The following RNF32 variants were observed in gnomAD, a reference collection of about 807,000 sequenced individuals.
RNF32 encodes the protein ring finger protein 32.
Under a neutral mutation model 41.0 loss-of-function variants are expected in RNF32, and 36 were observed. That is an observed-to-expected ratio of 0.88 (90% CI 0.67 to 1.16). The LOEUF (loss-of-function observed/expected upper bound fraction) is 1.16. RNF32 is among the 50% of genes most tolerant of loss of function. The pLI is 0.00. For synonymous variants in RNF32, 154 were observed against 160.9 expected (o/e 0.96, Z 0.32); for missense variants, 413 against 436.7 (o/e 0.95, Z 0.48).
Position 156,643,800 on chromosome 7 carries a change from G to A in RNF32, c.-77-1G>A. ...ACTTTCTGTTGACCACGTCTTTGCA[G>A]CAGAAGAATAGAAGGAAGGTGATAG... On this transcript the variant is annotated splice_acceptor_variant, in intron 1 of 8. Coordinates refer to the RNF32 transcript ENST00000311822. LOFTEE classifies it low-confidence loss of function (5UTR_SPLICE). 3.0e-6 allele frequency: 4 copies of A among 1,330,484 alleles called. No individual in the cohort carries two copies. The highest frequency in any genetic ancestry group is 1.2e-5 in the South Asian group (1 of 83,520). The allele number at this position is 1,330,484 out of a possible 1,614,324, so 82.4% of individuals were successfully genotyped here.
intron 7 of RNF32, among the ~76,000 whole-genome samples, chr7:156,667,393 T>C (rs943730788): frequency 1.2e-4 from 19 of 152,252 alleles, no homozygotes; most frequent in Non-Finnish European, 1.5e-4. Flanking sequence ...GTAATTGTTT[T>C]ACATATCAAT....
At position 156,651,893 on chromosome 7, in the gene RNF32, T is replaced by C. The variant is rs1032334310; in HGVS notation, c.275-2683T>C. On this transcript the variant is annotated intron_variant, in intron 3 of 8. Transcript: ENST00000317955. ...ATCAATGGGGACGTTGCTTCTGGAA[T>C]CCTCCGTGGTCCCCTCCCCCGGCCC... Among the ~76,000 whole-genome samples, 10 of 152,342 alleles carry C rather than the reference T, an allele frequency of 6.6e-5. No homozygotes were observed. The South Asian group carries it at 1.0e-3, about 16-fold the overall frequency.
intron 7 of RNF32, among the ~76,000 whole-genome samples, chr7:156,668,251 G>C (rs891766423): frequency 6.6e-6 from 1 of 152,136 alleles, no homozygotes; most frequent in South Asian, 2.1e-4. Context: ...AGAGAAGAGA[G>C]GTCACCTCCA....
chr7:156,666,680 G>A (rs76376341), intron 7 of RNF32, among the ~76,000 whole-genome samples: 10,720 of 152,236 alleles, frequency 0.07, 502 homozygotes, highest in South Asian at 0.19. Flanking sequence ...ATTCATTCAG[G>A]TTTTGAGGAA....
chr7:156,676,675 T>G lies in RNF32; in HGVS notation c.*20T>G. The G allele has an allele frequency of 6.3e-7, 1 of 1,593,076 alleles. No homozygotes were observed. The highest frequency in any genetic ancestry group is 8.6e-7 in the Non-Finnish European group (1 of 1,162,406). On this transcript the variant is annotated 3_prime_UTR_variant, in exon 9 of 9. Transcript: ENST00000317955. ...TGTTGAATTCATAGTCAAGGAAAGT[T>G]AGGTAATTCTGAGGAAAAAAGTTTA...
intron 7 of RNF32, among the ~76,000 whole-genome samples, chr7:156,667,534 A>G (rs1488012568): frequency 2.6e-5 from 4 of 152,348 alleles, no homozygotes; most frequent in East Asian, 1.9e-4. Flanking sequence ...AAAATTCATA[A>G]TATCAACCAC....
chr7:156,676,497 G>A lies in RNF32; in HGVS notation c.931G>A (p.Gly311Ser). 1 of 1,614,000 alleles carries A rather than the reference G, an allele frequency of 6.2e-7. No homozygotes were observed. Among genetic ancestry groups the A allele is most frequent in the Admixed American group, 1.7e-5 (1 of 60,014 alleles). Residue 311 changes from glycine (G) to serine (S), a missense_variant, in exon 9 of 9, where the codon GGC becomes AGC. Physicochemically the swap from Gly to Ser is moderately conservative, Grantham distance 56. Coordinates refer to ENST00000317955, the MANE Select transcript of RNF32 (RefSeq NM_030936.4). Reference sequence around the variant, plus strand: ...TGCTGGCGGTCAGCGCGTGGGTGCAGGCAGGCGTTCCAGAGAGATGGCCCT... The same window carrying A: ...TGCTGGCGGTCAGCGCGTGGGTGCAAGCAGGCGTTCCAGAGAGATGGCCCT... ...SAAGGQRVGAGRRSREMALLS... is the reference protein window; with the variant it reads ...SAAGGQRVGASRRSREMALLS...
intron 7 of RNF32, among the ~76,000 whole-genome samples, chr7:156,667,237 C>T (rs184066081): frequency 1.3e-5 from 2 of 152,264 alleles, no homozygotes; most frequent in East Asian, 1.9e-4. Flanking sequence ...TTGAGGGCGG[C>T]CATAAGTCAA....
chr7:156,665,902 G>GA (rs1420962723), intron 7 of RNF32, among the ~76,000 whole-genome samples: 1 of 152,152 alleles, frequency 6.6e-6, no homozygotes, highest in Non-Finnish European at 1.5e-5. Flanking sequence ...CACCAGAAAA[G>GA]AAAAAAGTAC....
At chr7:156,667,980 TTC>T (rs779107079) in intron 7 of RNF32, among the ~76,000 whole-genome samples, 15 of 152,362 alleles carry the variant, frequency 9.8e-5, no homozygotes, top group Admixed American at 2.0e-4. Context: ...GCAGTGTTTT[TTC>T]TTAGTTCCCC....
intron 7 of RNF32, chr7:156,658,870 A>T: frequency 6.5e-7 from 1 of 1,545,830 alleles, no homozygotes; most frequent in Non-Finnish European, 8.7e-7. Context: ...CAGACACAAG[A>T]CTGGAAACCA....
intron 4 of RNF32, 168 bp from the exon 5 acceptor site, chr7:156,657,373 C>G (rs959047011): frequency 3.1e-6 from 2 of 654,028 alleles, no homozygotes; most frequent in African/African-American, 1.8e-5. Flanking sequence ...AGAGTATATA[C>G]TTGTGCTGTG....
intron 3 of RNF32, among the ~76,000 whole-genome samples, chr7:156,645,525 T>C (rs1269403655): frequency 1.3e-5 from 2 of 152,186 alleles, no homozygotes; most frequent in Admixed American, 1.3e-4. Context: ...TGTTCCAGAT[T>C]ACAGGAGACC....
rs554759816 is a variant in RNF32 at position 156,655,264 on chromosome 7, G to C, written c.417+546G>C. On this transcript the variant is annotated intron_variant, in intron 4 of 8. Coordinates refer to ENST00000317955, the MANE Select transcript of RNF32 (RefSeq NM_030936.4). ...GCACACACACACACACACACACACA[G>C]AGAGAGAGAGAGAATGCATATATAT... Among the ~76,000 whole-genome samples the C allele has an allele frequency of 5.6e-3, 780 of 139,438 alleles. 5 individuals carry two copies. Among genetic ancestry groups the C allele is most frequent in the Non-Finnish European group, 7.4e-3 (457 of 62,146 alleles). 91.5% of individuals were successfully genotyped at this position (139,438 alleles called of 152,430 possible). A position where few individuals can be genotyped will look rare whatever the true frequency, so the allele number is the denominator to read the frequency against.
At chr7:156,657,612 G>A in intron 5 of RNF32, 39 bp downstream of exon 5, 2 of 1,599,290 alleles carry the variant, frequency 1.3e-6, no homozygotes, top group Non-Finnish European at 1.7e-6. Flanking sequence ...TGCTGCACAT[G>A]TCGCTCTCAC....
intron 4 of RNF32, among the ~76,000 whole-genome samples, chr7:156,655,108 G>A (rs1799408021): frequency 6.6e-6 from 1 of 152,126 alleles, no homozygotes; most frequent in Non-Finnish European, 1.5e-5. Context: ...AACTGTGCTT[G>A]AATGTCTCCA....
In RNF32 at chr7:156,644,410, A is replaced by G; in HGVS notation, c.16-89A>G. On this transcript the variant is annotated intron_variant, in intron 2 of 8. Transcript: ENST00000317955. ...ACTATTTGATTTGGTTGTATGTGCC[A>G]TCAAGGTTGAGTATTGAAGCCTCAG... The G allele has an allele frequency of 3.0e-6, 3 of 1,000,996 alleles. No individual in the cohort carries two copies. In the South Asian group the frequency reaches 4.3e-5, roughly 14 times the overall value. 62.0% of individuals were successfully genotyped at this position (1,000,996 alleles called of 1,614,324 possible).
chr7:156,641,490 G>T (rs140010990), intron 1 of RNF32, among the ~76,000 whole-genome samples: 1 of 152,294 alleles, frequency 6.6e-6, no homozygotes, highest in East Asian at 1.9e-4. Context: ...ATATATTGAA[G>T]GACTCACCTG....
chr7:156,661,054 C>T (rs895667477), intron 7 of RNF32, among the ~76,000 whole-genome samples: 1 of 152,228 alleles, frequency 6.6e-6, no homozygotes, highest in Non-Finnish European at 1.5e-5. Flanking sequence ...GGATGCTGCG[C>T]AGCAAGACTG....
Sources: allele counts gnomAD v4.1 joint callset (sites outside exome capture counted in the v4.1 genomes callset), GRCh38; gene constraint gnomAD v4.1.1; transcripts MANE v1.5; gene names NCBI Gene and HGNC (gene_info 2026-07-23, HGNC 2026-07-21).